Variants in MIS18A observed in about 807,000 individuals in gnomAD.
MIS18A encodes MIS18 kinetochore protein A, also known as protein Mis18-alpha.
In MIS18A, 14 loss-of-function variants were observed where a neutral mutation model predicts 25.0. The observed-to-expected ratio is 0.56, with a 90% confidence interval of 0.37 to 0.88. MIS18A has a LOEUF of 0.88. Ranked by LOEUF, MIS18A falls within the 40% of genes least tolerant of loss-of-function variation. MIS18A has a pLI of 0.00. For missense variants in MIS18A, 292 were observed against 290.8 expected (o/e 1.00, Z -0.03); for synonymous variants, 134 against 118.6 (o/e 1.13, Z -0.84).
chr21:32,173,955 GTTTTTTTTTTTT>G, the MIS18A span, among the ~76,000 whole-genome samples: 3 of 92,588 alleles, frequency 3.2e-5, no homozygotes, highest in Admixed American at 2.8e-4. Context: ...TACTTTTTAA[GTTTTTTTTTTTT>G]TTTTTTTTTT....
chr21:32,272,398 G>A (rs1467793291), intron 2 of MIS18A, among the ~76,000 whole-genome samples: 3 of 152,230 alleles, frequency 2.0e-5, no homozygotes, highest in Non-Finnish European at 2.9e-5. Flanking sequence ...CACAACCCTA[G>A]TGAAGTCCAA....
the MIS18A span, among the ~76,000 whole-genome samples, chr21:32,241,272 A>G: frequency 6.6e-6 from 1 of 152,316 alleles, no homozygotes; most frequent in Non-Finnish European, 1.5e-5. Context: ...GTAGAACTTC[A>G]AATTCTTTTC....
At chr21:32,219,748 C>T in the MIS18A span, among the ~76,000 whole-genome samples, 3 of 152,194 alleles carry the variant, frequency 2.0e-5, no homozygotes, top group East Asian at 5.8e-4. Flanking sequence ...TCTGCCAGCA[C>T]AGCAGTCTGA....
chr21:32,229,215 A>G, the MIS18A span, among the ~76,000 whole-genome samples: 1 of 152,226 alleles, frequency 6.6e-6, no homozygotes, highest in Non-Finnish European at 1.5e-5. Context: ...GAGAATGGAA[A>G]TATTCACCTA....
the MIS18A span, among the ~76,000 whole-genome samples, chr21:32,250,794 A>G: frequency 6.6e-6 from 1 of 152,202 alleles, no homozygotes; most frequent in Non-Finnish European, 1.5e-5. Context: ...GATGTGGCAG[A>G]GGGGAAGGAG....
the MIS18A span, among the ~76,000 whole-genome samples, chr21:32,185,198 C>T: frequency 6.6e-6 from 1 of 152,168 alleles, no homozygotes; most frequent in African/African-American, 2.4e-5. Flanking sequence ...CCCACCTCCC[C>T]CACAGCTGGT....
the MIS18A span, among the ~76,000 whole-genome samples, chr21:32,212,732 T>C: frequency 6.6e-6 from 1 of 151,992 alleles, no homozygotes; most frequent in African/African-American, 2.4e-5. Context: ...AATTGAATCA[T>C]GGGGGCAGTT....
chr21:32,277,400 A>C (rs192742205), intron 1 of MIS18A, among the ~76,000 whole-genome samples: 72 of 152,358 alleles, frequency 4.7e-4, no homozygotes, highest in African/African-American at 1.6e-3. Context: ...CATGTAAACA[A>C]GGGAATCTCA....
the MIS18A span, among the ~76,000 whole-genome samples, chr21:32,200,048 G>T: frequency 1.3e-5 from 2 of 152,178 alleles, no homozygotes; most frequent in African/African-American, 4.8e-5. Flanking sequence ...TGGGATACTC[G>T]GCAGTTGCCT....
intron 1 of MIS18A, among the ~76,000 whole-genome samples, chr21:32,275,166 G>C (rs1255859468): frequency 6.6e-6 from 1 of 152,120 alleles, no homozygotes; most frequent in Admixed American, 6.5e-5. Flanking sequence ...TTGGGGCCAG[G>C]AGTTCGAGGT....
chr21:32,248,542 G>A, the MIS18A span, among the ~76,000 whole-genome samples: 2 of 152,104 alleles, frequency 1.3e-5, no homozygotes, highest in Non-Finnish European at 2.9e-5. Context: ...AGATAAATAC[G>A]CTGCCTGTTC....
downstream of MIS18A, among the ~76,000 whole-genome samples, chr21:32,265,715 G>A (rs547648743): frequency 3.9e-5 from 6 of 152,374 alleles, no homozygotes; most frequent in South Asian, 4.1e-4. Context: ...TGAGGAATGC[G>A]AGCACAGGGC....
the MIS18A span, among the ~76,000 whole-genome samples, chr21:32,177,913 G>C: frequency 0.068 from 2,012 of 29,526 alleles, 46 homozygotes; most frequent in African/African-American, 0.33. Flanking sequence ...TTTTTCTTTT[G>C]TTTTCTTTTC....
chr21:32,155,243 AT>A, the MIS18A span, among the ~76,000 whole-genome samples: 211 of 148,222 alleles, frequency 1.4e-3, no homozygotes, highest in African/African-American at 4.3e-3. Context: ...CTGTTTAGGC[AT>A]TTTTTTTTTG....
chr21:32,268,227 C>T (rs1437960547), downstream of MIS18A: 2 of 152,176 alleles, frequency 1.3e-5, no homozygotes, highest in South Asian at 2.1e-4. Context: ...TCTTAAAGCA[C>T]TTTGTTTTAA....
the MIS18A span, among the ~76,000 whole-genome samples, chr21:32,245,471 C>G: frequency 6.6e-6 from 1 of 152,156 alleles, no homozygotes; most frequent in African/African-American, 2.4e-5. Flanking sequence ...TCAAAATTCT[C>G]TGCATTATAA....
the MIS18A span, among the ~76,000 whole-genome samples, chr21:32,206,477 G>T: frequency 0.15 from 23,318 of 151,948 alleles, 1,877 homozygotes; most frequent in East Asian, 0.24. Flanking sequence ...TGAAATGTGG[G>T]ATTCATCAGC....
chr21:32,221,194 T>C, the MIS18A span, among the ~76,000 whole-genome samples: 1 of 151,488 alleles, frequency 6.6e-6, no homozygotes, highest in Non-Finnish European at 1.5e-5. Flanking sequence ...TTCACCAAGG[T>C]TGAAATGAGG....
the MIS18A span, among the ~76,000 whole-genome samples, chr21:32,226,902 T>C: frequency 6.6e-6 from 1 of 152,106 alleles, no homozygotes; most frequent in Non-Finnish European, 1.5e-5. Flanking sequence ...CCAACCATAA[T>C]GAAATGAAAT....
Sources: gnomAD v4.1 joint callset for allele counts (sites outside exome capture counted in the v4.1 genomes callset) on GRCh38, gnomAD v4.1.1 for gene constraint, MANE v1.5 for transcripts, NCBI Gene and HGNC (gene_info 2026-07-23, HGNC 2026-07-21) for gene names.